Variants in PWP1 observed in about 807,000 individuals in gnomAD.
PWP1 encodes PWP1 homolog, endonuclein, also known as periodic tryptophan protein 1 homolog.
In PWP1, 47 loss-of-function variants were observed where a neutral mutation model predicts 69.9. The observed-to-expected ratio is 0.67, with a 90% CI of 0.53 to 0.86. PWP1 has a LOEUF of 0.86. Among genes scored for constraint, PWP1 ranks in the 40% least tolerant of loss-of-function variants. The probability of loss-of-function intolerance (pLI) is 0.00; values close to 1 mark genes in which losing one functional copy is unlikely to be tolerated. For synonymous variants in PWP1, 222 were observed against 208.2 expected (o/e 1.07, Z -0.57); for missense variants, 551 against 608.8 (o/e 0.91, Z 1.00).
intron 10 of PWP1, 30 bp downstream of exon 10, chr12:107,703,776 C>G: frequency 1.3e-6 from 2 of 1,555,824 alleles, no homozygotes; most frequent in Non-Finnish European, 1.8e-6. Flanking sequence ...ATGATTGCTA[C>G]TCTGTTTTTA....
intron 1 of PWP1, among the ~76,000 whole-genome samples, chr12:107,687,899 C>T (rs887669702): frequency 7.9e-5 from 12 of 151,824 alleles, no homozygotes; most frequent in Non-Finnish European, 1.0e-4. Context: ...GGCGTGGTGG[C>T]GCGTGCCTGT....
Position 107,685,926 on chromosome 12 carries a change from C to T in PWP1, c.27C>T (p.Cys9=). Residue 9 remains cysteine, a synonymous_variant, in exon 1 of 15, where the codon TGC becomes TGT. Transcript: ENST00000412830. MNRSRQVT[C]VAWVRCGVAK... ...TGAACCGCAGCCGCCAGGTGACGTG[C>T]GTGGCCTGGGTCCGCTGCGGCGTGG... 6.2e-7 allele frequency: 1 copy of T among 1,613,932 alleles called. No individual in the cohort carries two copies. The highest frequency in any genetic ancestry group is 1.1e-5 in the South Asian group (1 of 91,086).
intron 13 of PWP1, among the ~76,000 whole-genome samples, chr12:107,710,153 T>A (rs11113451): frequency 6.6e-6 from 1 of 151,968 alleles, no homozygotes; most frequent in Non-Finnish European, 1.5e-5. Flanking sequence ...CGAAGATGAG[T>A]GGCCTGAGTG....
At position 107,704,658 on chromosome 12, in the gene PWP1, C is replaced by G. The variant is rs202149257; in HGVS notation, c.988C>G (p.Arg330Gly). 1.2e-6 allele frequency: 2 copies of G among 1,613,876 alleles called. No individual in the cohort carries two copies. The highest frequency in any genetic ancestry group is 4.5e-5 in the East Asian group (2 of 44,870). Reference protein sequence around the residue: ...YDKSVALYDCRSPDESHRMWR... With the variant: ...YDKSVALYDCGSPDESHRMWR... ...TAGGTCAGTGGCTTTGTATGACTGC[C>G]GAAGTCCAGATGAAAGCCATCGAAT... The change falls in exon 11 of 15, where the codon CGA (arginine) becomes GGA (glycine). Residue 330 changes from arginine to glycine, a missense_variant. Physicochemically the swap from Arg to Gly is moderately radical, Grantham distance 125. Coordinates refer to ENST00000412830, the MANE Select transcript of PWP1 (RefSeq NM_007062.3).
In PWP1 at chr12:107,712,837, A is replaced by G. The variant is rs1889985698; in HGVS notation, c.*617A>G. On this transcript the variant is annotated 3_prime_UTR_variant, in exon 15 of 15. Coordinates refer to ENST00000412830, the MANE Select transcript of PWP1 (RefSeq NM_007062.3). ...TGAATGCCATTCTGTGCCTAGTGCTATACAAGGCATGGGAGATTCAGTGTG... is the reference window on the plus strand; with the variant it reads ...TGAATGCCATTCTGTGCCTAGTGCTGTACAAGGCATGGGAGATTCAGTGTG... The G allele has an allele frequency of 1.3e-5, 2 of 152,282 alleles. No homozygotes were observed. Among genetic ancestry groups the G allele is most frequent in the African/African-American group, 4.8e-5 (2 of 41,462 alleles). The allele number at this position is 152,282 out of a possible 1,614,324, so 9.4% of individuals were successfully genotyped here. A position where few individuals can be genotyped will look rare whatever the true frequency, so the allele number is the denominator to read the frequency against.
Position 107,708,907 on chromosome 12 carries a change from C to T in PWP1, c.1078-19C>T, listed in dbSNP as rs755980117. 1.2e-6 allele frequency: 2 copies of T among 1,607,454 alleles called. No individual in the cohort carries two copies. The highest frequency in any genetic ancestry group is 1.3e-5 in the African/African-American group (1 of 74,828). On this transcript the variant is annotated intron_variant, in intron 11 of 14. Transcript: ENST00000412830. ...TTTTGTGACGTAGCATGACCTTGCC[C>T]ATCTTTTACTCTTTCTAGGCCAGTA...
At chr12:107,698,221 GC>G (rs1889631121) in intron 7 of PWP1, among the ~76,000 whole-genome samples, 1 of 152,184 alleles carries the variant, frequency 6.6e-6, no homozygotes, top group Non-Finnish European at 1.5e-5. Context: ...AATTAGCCAG[GC>G]ATGTTGGTGT....
intron 1 of PWP1, among the ~76,000 whole-genome samples, chr12:107,686,969 CAAAAA>C (rs61728433): frequency 6.4e-3 from 683 of 106,474 alleles, no homozygotes; most frequent in Middle Eastern, 0.029. Context: ...GACTCCGTCT[CAAAAA>C]AAAAAAAAAA....
chr12:107,689,112 T>C (rs1889432487), intron 3 of PWP1, among the ~76,000 whole-genome samples: 2 of 152,210 alleles, frequency 1.3e-5, no homozygotes, highest in South Asian at 4.1e-4. Context: ...CTTGAACTTA[T>C]ATCCATATAC....
intron 11 of PWP1, among the ~76,000 whole-genome samples, chr12:107,705,376 T>G (rs1185442932): frequency 6.6e-6 from 1 of 152,036 alleles, no homozygotes; most frequent in Non-Finnish European, 1.5e-5. Flanking sequence ...GAAAGAGTTT[T>G]TTTTTTTTTT....
rs1471709758 is a variant in PWP1 at position 107,692,860 on chromosome 12, G to A, written c.366G>A (p.Gly122=). 1 of 1,613,990 alleles carries A rather than the reference G, an allele frequency of 6.2e-7. No individual in the cohort carries two copies. The highest frequency in any genetic ancestry group is 1.7e-5 in the Admixed American group (1 of 60,024). Residue 122 remains glycine, a synonymous_variant, in exon 4 of 15, where the codon GGG becomes GGA. Coordinates refer to ENST00000412830, the MANE Select transcript of PWP1 (RefSeq NM_007062.3). ...GESLLGLTVY[G]SNDQDPYVTL... is the part of the protein sequence containing the mutation. ...CTCTCTTGGGTCTTACGGTCTACGGGAGTAATGATCAAGATCCTTACGTTA... is the reference window on the plus strand; with the variant it reads ...CTCTCTTGGGTCTTACGGTCTACGGAAGTAATGATCAAGATCCTTACGTTA...
chr12:107,685,916 AGGTGACGTGCGTGGCCTGGGTCCGCT>A lies in PWP1; in HGVS notation c.19_44del (p.Val7ArgfsTer14), dbSNP rs752420849. 1 of 1,613,776 alleles carries A rather than the reference AGGTGACGTGCGTGGCCTGGGTCCGCT, an allele frequency of 6.2e-7. No individual in the cohort carries two copies. The highest frequency in any genetic ancestry group is 1.3e-5 in the African/African-American group (1 of 74,926). ...TTGAGGACCATGAACCGCAGCCGCCAGGTGACGTGCGTGGCCTGGGTCCGCTGCGGCGTGGCCAAAGAGACACCAGA... is the reference window on the plus strand; with the variant it reads ...TTGAGGACCATGAACCGCAGCCGCCAGCGGCGTGGCCAAAGAGACACCAGA... On this transcript the variant is annotated frameshift_variant, in exon 1 of 15. Transcript: ENST00000412830. LOFTEE classifies it high-confidence loss of function.
chr12:107,711,842 A>G (rs1390126478), intron 14 of PWP1, among the ~76,000 whole-genome samples: 2 of 152,198 alleles, frequency 1.3e-5, no homozygotes, highest in African/African-American at 4.8e-5. Context: ...TAAGGCCAGG[A>G]GAGGGTCACT....
At chr12:107,701,611 T>A (rs1889712813) in intron 8 of PWP1, among the ~76,000 whole-genome samples, 1 of 152,174 alleles carries the variant, frequency 6.6e-6, no homozygotes, top group Non-Finnish European at 1.5e-5. Flanking sequence ...TTTTTTTGTG[T>A]GTATGGTGTG....
At chr12:107,691,781 G>A (rs1339506794) in intron 3 of PWP1, among the ~76,000 whole-genome samples, 1 of 152,090 alleles carries the variant, frequency 6.6e-6, no homozygotes, top group Non-Finnish European at 1.5e-5. Context: ...CCATCTAGAT[G>A]TTCATTCCTC....
intron 5 of PWP1, among the ~76,000 whole-genome samples, chr12:107,695,271 A>C (rs1399919179): frequency 6.6e-6 from 1 of 152,060 alleles, no homozygotes; most frequent in Non-Finnish European, 1.5e-5. Flanking sequence ...ATCTCAAAAA[A>C]AAAAAAGTTA....
chr12:107,688,849 T>C (rs751758283), intron 3 of PWP1, 47 bp downstream of exon 3: 26 of 1,544,880 alleles, frequency 1.7e-5, no homozygotes, highest in Non-Finnish European at 2.3e-5. Context: ...GCTCAATATG[T>C]TGGATCATGT....
At chr12:107,691,867 A>G (rs1889486259) in intron 3 of PWP1, among the ~76,000 whole-genome samples, 1 of 152,176 alleles carries the variant, frequency 6.6e-6, no homozygotes, top group Admixed American at 6.5e-5. Context: ...CAGTACTTAG[A>G]AAGGAATCAT....
intron 3 of PWP1, among the ~76,000 whole-genome samples, chr12:107,689,477 G>A (rs1889439030): frequency 1.3e-5 from 2 of 152,196 alleles, no homozygotes; most frequent in South Asian, 2.1e-4. Context: ...AGGTGCACGT[G>A]ACTCACGCCT....
Sources: gnomAD v4.1 joint callset for allele counts (sites outside exome capture counted in the v4.1 genomes callset) on GRCh38, gnomAD v4.1.1 for gene constraint, MANE v1.5 for transcripts, NCBI Gene and HGNC (gene_info 2026-07-23, HGNC 2026-07-21) for gene names.